ZNHIT6: variants seen among roughly 807,000 people sequenced by gnomAD.
ZNHIT6 encodes the protein zinc finger HIT-type containing 6.
In ZNHIT6, 45 loss-of-function variants were observed where a neutral mutation model predicts 57.2. The observed-to-expected ratio is 0.79, with a 90% confidence interval of 0.62 to 1.01. The LOEUF (loss-of-function observed/expected upper bound fraction) is 1.01. Ranked by LOEUF, ZNHIT6 falls within the 50% of genes least tolerant of loss-of-function variation. The probability of loss-of-function intolerance (pLI) is 0.00; values close to 1 mark genes in which losing one functional copy is unlikely to be tolerated. For missense variants in ZNHIT6, 528 were observed against 567.3 expected, an observed-to-expected ratio of 0.93 and a Z score of 0.70; for synonymous variants, 188 against 190.0, an observed-to-expected ratio of 0.99 and a Z score of 0.09.
At chr1:85,704,174 A>G (rs1040136671) in intron 4 of ZNHIT6, among the ~76,000 whole-genome samples, 2 of 152,210 alleles carry the variant, frequency 1.3e-5, no homozygotes, top group African/African-American at 4.8e-5. Context: ...TATTGGTGAG[A>G]GTGTAAACTA....
intron 4 of ZNHIT6, among the ~76,000 whole-genome samples, chr1:85,703,045 T>A (rs894999109): frequency 2.6e-5 from 4 of 152,200 alleles, no homozygotes; most frequent in Non-Finnish European, 5.9e-5. Flanking sequence ...TCAGCTATCA[T>A]TGGCTAAGTA....
chr1:85,687,288 C>CAACAAAAAAAAAAAAAA, intron 5 of ZNHIT6, among the ~76,000 whole-genome samples: 1 of 75,226 alleles, frequency 1.3e-5, no homozygotes, highest in Non-Finnish European at 2.3e-5. Flanking sequence ...TCTCAAAAAA[C>CAACAAAAAAAAAAAAAA]AAAAAAAAAA....
In ZNHIT6 at chr1:85,708,169, G is replaced by A; in HGVS notation, c.116C>T (p.Ala39Val). ...GREGVRDLAGAEEFGGGEEGT... is the reference protein window; with the variant it reads ...GREGVRDLAGVEEFGGGEEGT... Reference sequence around the variant, plus strand: ...CTCCTCTCCGCCGCCGAACTCCTCCGCCCCTGCTAAGTCCCTTACTCCCTC... The same window carrying A: ...CTCCTCTCCGCCGCCGAACTCCTCCACCCCTGCTAAGTCCCTTACTCCCTC... The change falls in exon 1 of 10, where the codon GCG (alanine) becomes GTG (valine). Residue 39 changes from alanine (A) to valine (V), a missense_variant. Transcript: ENST00000370574. 6.2e-7 allele frequency: 1 copy of A among 1,613,606 alleles called. No individual in the cohort carries two copies. The highest frequency in any genetic ancestry group is 8.5e-7 in the Non-Finnish European group (1 of 1,179,936).
intron 5 of ZNHIT6, among the ~76,000 whole-genome samples, chr1:85,688,361 C>A (rs2100696424): frequency 6.6e-6 from 1 of 152,272 alleles, no homozygotes; most frequent in South Asian, 2.1e-4. Flanking sequence ...ACTCTAGAGT[C>A]CATACTCTGA....
At chr1:85,707,562 T>C (rs1662721450) in intron 1 of ZNHIT6, 67 bp downstream of exon 1, 1 of 1,450,768 alleles carries the variant, frequency 6.9e-7, no homozygotes. Flanking sequence ...GATAGTGTGG[T>C]TTCCTTCACT....
At chr1:85,696,391 T>C (rs1557869696) in intron 5 of ZNHIT6, among the ~76,000 whole-genome samples, 1 of 152,128 alleles carries the variant, frequency 6.6e-6, no homozygotes, top group Non-Finnish European at 1.5e-5. Context: ...ATGTCATGGA[T>C]AGTATTCCAT....
intron 7 of ZNHIT6, among the ~76,000 whole-genome samples, 159 bp downstream of exon 7, chr1:85,678,542 T>C (rs1267117302): frequency 2.0e-5 from 3 of 152,194 alleles, no homozygotes; most frequent in Non-Finnish European, 2.9e-5. Flanking sequence ...AAACAATGAA[T>C]GTCAGCTATT....
At chr1:85,681,581 A>C (rs909245287) in intron 5 of ZNHIT6, among the ~76,000 whole-genome samples, 2 of 152,218 alleles carry the variant, frequency 1.3e-5, no homozygotes, top group African/African-American at 4.8e-5. Flanking sequence ...GATTTTACAC[A>C]ATGTTTTCCT....
intron 8 of ZNHIT6, among the ~76,000 whole-genome samples, chr1:85,667,827 G>A (rs1365739611): frequency 5.3e-5 from 8 of 149,740 alleles, no homozygotes; most frequent in Non-Finnish European, 1.0e-4. Flanking sequence ...CCAGCTACTT[G>A]GGAGGCTGAG....
At chr1:85,703,488 C>G (rs1258379975) in intron 4 of ZNHIT6, among the ~76,000 whole-genome samples, 1 of 152,062 alleles carries the variant, frequency 6.6e-6, no homozygotes, top group African/African-American at 2.4e-5. Context: ...ATGACCCAAG[C>G]ATATAGGGAT....
chr1:85,685,322 G>A (rs2100690859), intron 5 of ZNHIT6, among the ~76,000 whole-genome samples: 1 of 152,156 alleles, frequency 6.6e-6, no homozygotes, highest in South Asian at 2.1e-4. Context: ...ATAAATCATG[G>A]TACATCTACA....
At chr1:85,706,035 T>C in intron 4 of ZNHIT6, 43 bp downstream of exon 4, 2 of 1,454,354 alleles carry the variant, frequency 1.4e-6, no homozygotes, top group South Asian at 2.5e-5. Context: ...ATCTAATTGA[T>C]TTGAAGGACT....
At chr1:85,659,605 T>A (rs1165687395) in intron 8 of ZNHIT6, among the ~76,000 whole-genome samples, 2 of 152,340 alleles carry the variant, frequency 1.3e-5, no homozygotes, top group East Asian at 1.9e-4. Flanking sequence ...ATTTTAAGAG[T>A]AAATCATTCA....
At chr1:85,661,111 A>G (rs1386783453) in intron 8 of ZNHIT6, among the ~76,000 whole-genome samples, 1 of 152,224 alleles carries the variant, frequency 6.6e-6, no homozygotes, top group Non-Finnish European at 1.5e-5. Flanking sequence ...ATTTATCAGT[A>G]ATTTAAAAGT....
chr1:85,677,400 T>C (rs1661734642), intron 7 of ZNHIT6, 87 bp from the exon 8 acceptor site: 5 of 976,348 alleles, frequency 5.1e-6, no homozygotes, highest in Admixed American at 2.7e-5. Context: ...TTGTACCTAA[T>C]AATACTTAAA....
chr1:85,658,888 A>G lies in ZNHIT6; in HGVS notation c.1248-917T>C, dbSNP rs1170308146. ...CTCTGCCTCAAAAAAATAAAAAAAT[A>G]AAATAATAATAATATTTATGTTGTT... is the stretch of plus-strand genomic sequence containing the variant. On this transcript the variant is annotated intron_variant, in intron 8 of 9. Transcript: ENST00000370574. Among the ~76,000 whole-genome samples the G allele has an allele frequency of 2.6e-5, 4 of 152,198 alleles. No individual in the cohort carries two copies. The East Asian group carries it at 7.7e-4, about 29-fold the overall frequency.
intron 8 of ZNHIT6, among the ~76,000 whole-genome samples, chr1:85,665,532 T>G (rs1433222121): frequency 2.0e-5 from 3 of 152,198 alleles, no homozygotes; most frequent in African/African-American, 7.2e-5. Context: ...TTTCTTGTGA[T>G]AAGAACACTT....
chr1:85,708,327 T>C lies in ZNHIT6; in HGVS notation c.-43A>G. ...CCTCTGCTGCCACTCTATCCTTCAATGTGGCTGCTGCACACCAATAGGAGG... is the reference window on the plus strand; with the variant it reads ...CCTCTGCTGCCACTCTATCCTTCAACGTGGCTGCTGCACACCAATAGGAGG... On this transcript the variant is annotated 5_prime_UTR_variant, in exon 1 of 10. Coordinates refer to ENST00000370574, the MANE Select transcript of ZNHIT6 (RefSeq NM_017953.4). 1 of 1,549,782 alleles carries C rather than the reference T, an allele frequency of 6.5e-7. No individual in the cohort carries two copies. Among genetic ancestry groups the C allele is most frequent in the Non-Finnish European group, 8.7e-7 (1 of 1,148,332 alleles).
intron 5 of ZNHIT6, among the ~76,000 whole-genome samples, chr1:85,692,718 TA>T (rs11328038): frequency 0.77 from 112,381 of 145,258 alleles, 44,550 homozygotes; most frequent in East Asian, 0.94. Flanking sequence ...GATACCATGT[TA>T]AAAAAAAAAA....
Sources: gnomAD v4.1 joint callset for allele counts (sites outside exome capture counted in the v4.1 genomes callset) on GRCh38, gnomAD v4.1.1 for gene constraint, MANE v1.5 for transcripts, NCBI Gene and HGNC (gene_info 2026-07-23, HGNC 2026-07-21) for gene names.